The following SUGP2 variants were observed in gnomAD, a reference collection of about 807,000 sequenced individuals.
SUGP2 encodes the protein SURP and G-patch domain containing 2.
In SUGP2, 24 loss-of-function variants were observed where a neutral mutation model predicts 90.5. The observed-to-expected ratio is 0.27, with a 90% CI of 0.19 to 0.37. SUGP2 has a LOEUF of 0.37. Ranked by LOEUF, SUGP2 falls within the 10% of genes least tolerant of loss-of-function variation. The probability of loss-of-function intolerance (pLI) is 1.00; values close to 1 mark genes in which losing one functional copy is unlikely to be tolerated. For missense variants in SUGP2, 1,233 were observed against 1,363.3 expected (o/e 0.90, Z 1.51); for synonymous variants, 473 against 513.4 (o/e 0.92, Z 1.06).
chr19:19,004,778 G>A (rs1244865877), intron 6 of SUGP2, 132 bp from the exon 7 acceptor site: 3 of 698,790 alleles, frequency 4.3e-6, no homozygotes, highest in South Asian at 1.9e-5. Context: ...CAGTCTCTAC[G>A]CGGCTATGGC....
At chr19:19,021,620 T>C (rs2058731850) in intron 3 of SUGP2, among the ~76,000 whole-genome samples, 2 of 151,904 alleles carry the variant, frequency 1.3e-5, no homozygotes, top group South Asian at 4.2e-4. Context: ...TTAAAAACAA[T>C]AAAACTAACA....
rs532455165 is a variant in SUGP2 at position 18,991,393 on chromosome 19, G to C, written c.*2348C>G. 5 of 152,412 alleles carry C rather than the reference G, an allele frequency of 3.3e-5. No homozygotes were observed. In the East Asian group the frequency reaches 9.7e-4, roughly 29 times the overall value. The allele number at this position is 152,412 out of a possible 1,614,324, so 9.4% of individuals were successfully genotyped here. A position where few individuals can be genotyped will look rare whatever the true frequency, so the allele number is the denominator to read the frequency against. On this transcript the variant is annotated 3_prime_UTR_variant, in exon 11 of 11. Coordinates refer to ENST00000452918, the MANE Select transcript of SUGP2 (RefSeq NM_001017392.5). ...CTGCCCCAGCGCTGAATCCACAGGAGAGGTGTCCTCTGAGAGTGTAGGGGG... is the reference window on the plus strand; with the variant it reads ...CTGCCCCAGCGCTGAATCCACAGGACAGGTGTCCTCTGAGAGTGTAGGGGG...
At chr19:19,008,767 G>C (rs2058187318) in intron 5 of SUGP2, among the ~76,000 whole-genome samples, 1 of 152,170 alleles carries the variant, frequency 6.6e-6, no homozygotes, top group Non-Finnish European at 1.5e-5. Flanking sequence ...CTGGCTGCTG[G>C]GGGGATGACA....
intron 3 of SUGP2, among the ~76,000 whole-genome samples, chr19:19,023,797 G>A (rs2058819649): frequency 6.6e-6 from 1 of 152,100 alleles, no homozygotes; most frequent in Non-Finnish European, 1.5e-5. Context: ...AGGAGGCTGA[G>A]GCGGAAGGAT....
At chr19:19,014,633 GA>G (rs879928429) in intron 4 of SUGP2, among the ~76,000 whole-genome samples, 1,401 of 131,888 alleles carry the variant, frequency 0.011, 9 homozygotes, top group Non-Finnish European at 0.014. Context: ...CTTAAAAAAA[GA>G]AAAAAAAAAA....
intron 6 of SUGP2, among the ~76,000 whole-genome samples, chr19:19,005,708 T>C (rs931694392): frequency 5.3e-5 from 8 of 152,100 alleles, no homozygotes; most frequent in African/African-American, 1.9e-4. Flanking sequence ...GGGGTCTCAC[T>C]CTGTCGTCCA....
intron 2 of SUGP2, among the ~76,000 whole-genome samples, chr19:19,030,495 CAA>C (rs762117850): frequency 5.9e-5 from 9 of 152,080 alleles, no homozygotes; most frequent in Non-Finnish European, 1.3e-4. Flanking sequence ...GCCTGGGAGA[CAA>C]GAGTGAAACT....
Position 18,998,603 on chromosome 19 carries a change from CGT to C in SUGP2, c.2991+3008_2991+3009del, listed in dbSNP as rs762861450. On this transcript the variant is annotated intron_variant, in intron 8 of 10. Transcript: ENST00000452918. ...GTGTGTGTGTATGCATGTGTGTGTG[CGT>C]GTGTGTATGCATGTGTGTGTGCATA... is the stretch of plus-strand genomic sequence containing the variant. Among the ~76,000 whole-genome samples the C allele has an allele frequency of 4.5e-3, 675 of 151,330 alleles. 5 individuals are homozygous for C. The highest frequency in any genetic ancestry group is 0.016 in the African/African-American group (643 of 40,966).
chr19:18,998,061 T>C (rs1349577920), intron 8 of SUGP2, among the ~76,000 whole-genome samples: 2 of 152,166 alleles, frequency 1.3e-5, no homozygotes, highest in Non-Finnish European at 2.9e-5. Flanking sequence ...CCCAGACCAC[T>C]GGCTGTTCTC....
chr19:19,004,034 G>A (rs992549442), intron 7 of SUGP2, 134 bp downstream of exon 7: 17 of 693,448 alleles, frequency 2.5e-5, no homozygotes, highest in Non-Finnish European at 4.8e-6. Flanking sequence ...GGAAACATGA[G>A]TGTCGGCTCA....
intron 2 of SUGP2, among the ~76,000 whole-genome samples, chr19:19,026,734 A>G (rs1251970115): frequency 6.6e-6 from 1 of 152,182 alleles, no homozygotes; most frequent in African/African-American, 2.4e-5. Flanking sequence ...TGCCTCTTAG[A>G]AGGAAGTCTC....
chr19:19,004,175 C>A lies in SUGP2; in HGVS notation c.2922G>T (p.Glu974Asp). 10 of 1,551,398 alleles carry A rather than the reference C, an allele frequency of 6.4e-6. No individual in the cohort carries two copies. The highest frequency in any genetic ancestry group is 1.4e-5 in the African/African-American group (1 of 73,356). ...CGACAGGCGGGCACTCACCTTTTGG[C>A]TCCTGGATGAGACACACTCTCTTGG... ...PAPKRVCLIQ[E>D]PKVHEPVRIA... The change falls in exon 7 of 11, where the codon GAG becomes GAT. Residue 974 changes from glutamate to aspartate, a missense_variant. Physicochemically the swap from Glu to Asp is conservative, Grantham distance 45. Coordinates refer to ENST00000452918, the MANE Select transcript of SUGP2 (RefSeq NM_001017392.5).
At chr19:19,002,342 T>C (rs12978990) in intron 7 of SUGP2, among the ~76,000 whole-genome samples, 135,937 of 151,112 alleles carry the variant, frequency 0.9, 61,416 homozygotes, top group African/African-American at 0.97. Context: ...ATTGTGCCAC[T>C]GCACTCCAGC....
chr19:19,013,905 C>G (rs1196784798), intron 4 of SUGP2, among the ~76,000 whole-genome samples: 1 of 152,236 alleles, frequency 6.6e-6, no homozygotes, highest in Non-Finnish European at 1.5e-5. Flanking sequence ...GCTTTGCACT[C>G]TCTCATAGAA....
At chr19:19,019,550 T>C (rs1036167240) in intron 3 of SUGP2, among the ~76,000 whole-genome samples, 9 of 152,102 alleles carry the variant, frequency 5.9e-5, no homozygotes, top group African/African-American at 2.2e-4. Context: ...CTTAATAATT[T>C]GAGTGTTCAT....
intron 9 of SUGP2, 193 bp from the exon 10 acceptor site, chr19:18,994,679 AG>A (rs1228341716): frequency 1.3e-6 from 1 of 759,282 alleles, no homozygotes; most frequent in East Asian, 2.8e-5. Flanking sequence ...CTGGCTTTTG[AG>A]GGGGTGCCCA....
chr19:19,031,189 C>T, intron 1 of SUGP2, 107 bp from the exon 2 acceptor site: 2 of 1,233,000 alleles, frequency 1.6e-6, no homozygotes, highest in Non-Finnish European at 2.3e-6. Flanking sequence ...GGGCGGATCA[C>T]CTGAGCTCAG....
intron 4 of SUGP2, among the ~76,000 whole-genome samples, chr19:19,013,432 T>C (rs890407741): frequency 1.3e-5 from 2 of 152,168 alleles, no homozygotes; most frequent in African/African-American, 4.8e-5. Flanking sequence ...CTCTCTATAG[T>C]AGTACGGAAG....
chr19:19,023,308 G>A (rs1411192625), intron 3 of SUGP2, among the ~76,000 whole-genome samples: 3 of 152,134 alleles, frequency 2.0e-5, no homozygotes, highest in Admixed American at 6.6e-5. Context: ...TCTAGCACAG[G>A]GGTGACTGTT....
Sources: allele counts gnomAD v4.1 joint callset (sites outside exome capture counted in the v4.1 genomes callset), GRCh38; gene constraint gnomAD v4.1.1; transcripts MANE v1.5; gene names NCBI Gene and HGNC (gene_info 2026-07-23, HGNC 2026-07-21).